The following SNX29 variants were observed in gnomAD, a reference collection of about 807,000 sequenced individuals.
SNX29 encodes the protein sorting nexin 29.
A neutral mutation model predicts 102.1 loss-of-function variants in SNX29; 78 were observed. The ratio of observed to expected loss-of-function variants is 0.76; its 90% confidence interval spans 0.64 to 0.92. The LOEUF (loss-of-function observed/expected upper bound fraction) is 0.92, where lower values mean the gene tolerates loss of function less well. SNX29 is among the 40% of genes least tolerant of loss of function. The pLI is 0.00. For missense variants in SNX29, 1,280 were observed against 1,061.7 expected (o/e 1.21, Z -2.86); for synonymous variants, 580 against 414.5 (o/e 1.40, Z -4.85).
chr16:12,562,427 G>T (rs1040686310), intron 20 of SNX29, among the ~76,000 whole-genome samples: 1 of 152,152 alleles, frequency 6.6e-6, no homozygotes, highest in East Asian at 1.9e-4. Flanking sequence ...CACTTAAAGT[G>T]CACACAGCTT....
intron 4 of SNX29, among the ~76,000 whole-genome samples, chr16:12,039,471 G>A (rs2057568063): frequency 6.6e-6 from 1 of 152,176 alleles, no homozygotes; most frequent in Admixed American, 6.5e-5. Flanking sequence ...GCCTAGTTCG[G>A]TTCACAGCTC....
At chr16:12,326,349 C>T (rs572926596) in intron 15 of SNX29, among the ~76,000 whole-genome samples, 4 of 123,236 alleles carry the variant, frequency 3.2e-5, no homozygotes, top group Middle Eastern at 4.8e-3. Flanking sequence ...TTTTCCCTGT[C>T]CAGGTGTGAG....
At chr16:12,226,911 C>T (rs147673444) in intron 14 of SNX29, among the ~76,000 whole-genome samples, 59 of 152,220 alleles carry the variant, frequency 3.9e-4, no homozygotes, top group African/African-American at 1.1e-3. Flanking sequence ...TTATGTAACA[C>T]GTCTACTGGC....
At chr16:12,285,552 T>C (rs957844580) in intron 15 of SNX29, among the ~76,000 whole-genome samples, 10 of 152,124 alleles carry the variant, frequency 6.6e-5, no homozygotes, top group African/African-American at 2.4e-4. Flanking sequence ...TGGTAAAAAA[T>C]ACACTCATAA....
In SNX29 at chr16:12,095,697, T is replaced by C. The variant is rs116793113; in HGVS notation, c.1402+16782T>C. Among the ~76,000 whole-genome samples the C allele has an allele frequency of 1.8e-3, 277 of 152,322 alleles. 2 individuals are homozygous for C. The highest frequency in any genetic ancestry group is 6.3e-3 in the African/African-American group (260 of 41,564). ...TGGGTATTCAGCTTTTGAATCCCGATTGTTGCCTTCTTGCCCCTTTTTTTG... is the reference window on the plus strand; with the variant it reads ...TGGGTATTCAGCTTTTGAATCCCGACTGTTGCCTTCTTGCCCCTTTTTTTG... On this transcript the variant is annotated intron_variant, in intron 11 of 20. Transcript: ENST00000566228.
chr16:12,056,385 C>T (rs2050522326), intron 8 of SNX29, among the ~76,000 whole-genome samples: 1 of 152,192 alleles, frequency 6.6e-6, no homozygotes, highest in South Asian at 2.1e-4. Flanking sequence ...GACAGCTCTC[C>T]CCGGCATTAA....
intron 16 of SNX29, among the ~76,000 whole-genome samples, chr16:12,360,641 C>T (rs1442763811): frequency 6.6e-6 from 1 of 152,000 alleles, no homozygotes; most frequent in African/African-American, 2.4e-5. Context: ...AATGTAATCC[C>T]CATCCCCCCA....
intron 13 of SNX29, among the ~76,000 whole-genome samples, chr16:12,144,141 C>G (rs2054965663): frequency 6.6e-6 from 1 of 152,094 alleles, no homozygotes; most frequent in South Asian, 2.1e-4. Context: ...TTTTAAGTAG[C>G]AAGGACTTAA....
intron 1 of SNX29, chr16:11,977,123 G>C (rs946602624): frequency 1.2e-5 from 4 of 341,236 alleles, no homozygotes; most frequent in South Asian, 1.5e-4. Context: ...CAGACCCCCA[G>C]TTCTGAGACC....
At chr16:11,981,176 A>T (rs868055652) in intron 1 of SNX29, among the ~76,000 whole-genome samples, 1 of 151,884 alleles carries the variant, frequency 6.6e-6, no homozygotes, top group Non-Finnish European at 1.5e-5. Context: ...TGCCATGTTG[A>T]CTGGGCTGGT....
chr16:12,003,300 G>A (rs904948818), intron 3 of SNX29, among the ~76,000 whole-genome samples: 3 of 152,124 alleles, frequency 2.0e-5, no homozygotes, highest in Admixed American at 1.3e-4. Flanking sequence ...GGAATTATTC[G>A]AGATACCTTT....
chr16:12,565,070 C>T lies in SNX29; in HGVS notation c.2319-3436C>T, dbSNP rs888623134. Reference sequence around the variant, plus strand: ...TTCATTCCCCTGTAGCAAAGGGGCCCAGTGGGGACACATGGGGTCGTCTTC... The same window carrying T: ...TTCATTCCCCTGTAGCAAAGGGGCCTAGTGGGGACACATGGGGTCGTCTTC... On this transcript the variant is annotated intron_variant, in intron 20 of 20. Coordinates refer to ENST00000566228, the MANE Select transcript of SNX29 (RefSeq NM_032167.5). 6.4e-4 allele frequency among the ~76,000 whole-genome samples: 98 copies of T among 152,266 alleles called. 1 individual carries two copies. The highest frequency in any genetic ancestry group is 2.9e-4 in the Non-Finnish European group (20 of 68,010).
intron 16 of SNX29, among the ~76,000 whole-genome samples, chr16:12,388,338 G>C (rs1474524738): frequency 6.6e-6 from 1 of 152,120 alleles, no homozygotes; most frequent in Admixed American, 6.6e-5. Context: ...ACATGAGTGG[G>C]TACAAATAAA....
intron 11 of SNX29, among the ~76,000 whole-genome samples, chr16:12,079,274 A>G (rs1438395841): frequency 6.6e-6 from 1 of 152,234 alleles, no homozygotes; most frequent in African/African-American, 2.4e-5. Flanking sequence ...GAAGAAGAAT[A>G]TGTCTCTCCA....
chr16:12,015,878 T>A lies in SNX29; in HGVS notation c.123-11442T>A, dbSNP rs562159677. Among the ~76,000 whole-genome samples the A allele has an allele frequency of 5.4e-4, 82 of 151,188 alleles. 1 individual carries two copies. In the South Asian group the frequency reaches 9.4e-3, roughly 17 times the overall value. On this transcript the variant is annotated intron_variant, in intron 3 of 20. Coordinates refer to ENST00000566228, the MANE Select transcript of SNX29 (RefSeq NM_032167.5). ...AATGATTCTTTTTATTTATTTATTT[T>A]TTTTGGGACAGAATGTCGCTCTGTC...
chr16:12,008,731 G>GT (rs57686878), intron 3 of SNX29, among the ~76,000 whole-genome samples: 1,482 of 139,846 alleles, frequency 0.011, 7 homozygotes, highest in African/African-American at 0.023. Context: ...ATTGTATTTA[G>GT]TTTTTTTTTT....
chr16:12,266,975 C>G (rs2078947793), intron 14 of SNX29, among the ~76,000 whole-genome samples: 1 of 152,030 alleles, frequency 6.6e-6, no homozygotes, highest in Non-Finnish European at 1.5e-5. Context: ...GTTGGCCAGG[C>G]TGGTCTCGAA....
chr16:12,446,047 C>CT (rs60889973), intron 18 of SNX29, among the ~76,000 whole-genome samples: 1,105 of 98,570 alleles, frequency 0.011, 34 homozygotes, highest in East Asian at 0.016. Context: ...GCTTCTCATT[C>CT]TTTTTTTTTT....
At position 12,561,971 on chromosome 16, in the gene SNX29, A is replaced by T. The variant is rs531398187; in HGVS notation, c.2319-6535A>T. On this transcript the variant is annotated intron_variant, in intron 20 of 20. Coordinates refer to ENST00000566228, the MANE Select transcript of SNX29 (RefSeq NM_032167.5). ...ATCCCTGGGGGCATGATGTCCCCAG[A>T]GTGTCTACCAGCTTGGTGACAATGG... Among the ~76,000 whole-genome samples the T allele has an allele frequency of 2.7e-3, 410 of 152,182 alleles. 4 individuals carry two copies. The highest frequency in any genetic ancestry group is 9.0e-3 in the African/African-American group (373 of 41,518).
Sources: gnomAD v4.1 joint callset for allele counts (sites outside exome capture counted in the v4.1 genomes callset) on GRCh38, gnomAD v4.1.1 for gene constraint, MANE v1.5 for transcripts, NCBI Gene and HGNC (gene_info 2026-07-23, HGNC 2026-07-21) for gene names.